IQSEC1: variants seen among roughly 807,000 people sequenced by gnomAD.
The protein encoded by IQSEC1 is IQ motif and Sec7 domain ArfGEF 1.
IQSEC1 carries 31 observed loss-of-function variants against 91.0 expected under a neutral mutation model. The ratio of observed to expected loss-of-function variants is 0.34; its 90% CI spans 0.26 to 0.46. The LOEUF is 0.46. IQSEC1 is among the 20% of genes least tolerant of loss of function. The probability of loss-of-function intolerance (pLI) is 1.00; values close to 1 mark genes in which losing one functional copy is unlikely to be tolerated. For synonymous variants in IQSEC1, 699 were observed against 662.6 expected, an observed-to-expected ratio of 1.05 and a Z score of -0.84; for missense variants, 1,388 against 1,575.6, an observed-to-expected ratio of 0.88 and a Z score of 2.02.
Position 12,936,451 on chromosome 3 carries a change from C to T in IQSEC1, c.565G>A (p.Gly189Ser), listed in dbSNP as rs778461158. Residue 189 changes from glycine to serine, a missense_variant, in exon 3 of 14, where the codon GGC becomes AGC. Physicochemically the swap from Gly to Ser is moderately conservative, Grantham distance 56 (BLOSUM62 0). This residue lies in a region of IQSEC1 where 1,059 missense variants were observed against 1,317.8 expected (regional missense o/e 0.80). Transcript: ENST00000613206. ...EGKQVSVTNDGSQLGALVSPE... is the reference protein window; with the variant it reads ...EGKQVSVTNDSSQLGALVSPE... ...GACACCAGGGCTCCCAGCTGGGAGC[C>T]GTCGTTAGTCACTGAGACCTGCTTC... 6.8e-6 allele frequency: 11 copies of T among 1,606,768 alleles called. No individual in the cohort carries two copies. The highest frequency in any genetic ancestry group is 2.2e-5 in the East Asian group (1 of 44,718).
At chr3:12,923,180 G>A (rs939990387) in intron 4 of IQSEC1, among the ~76,000 whole-genome samples, 3 of 152,212 alleles carry the variant, frequency 2.0e-5, no homozygotes, top group Non-Finnish European at 4.4e-5. Flanking sequence ...GATGCCTGGT[G>A]TGGTGGCCCG....
At chr3:13,035,072 C>A (rs1322104813) in intron 1 of IQSEC1, among the ~76,000 whole-genome samples, 1 of 152,250 alleles carries the variant, frequency 6.6e-6, no homozygotes, top group Non-Finnish European at 1.5e-5. Flanking sequence ...AGGACCTGAA[C>A]TTGGCCAGTG....
intron 1 of IQSEC1, among the ~76,000 whole-genome samples, chr3:13,035,692 T>G (rs1014834547): frequency 2.0e-5 from 3 of 152,140 alleles, no homozygotes; most frequent in African/African-American, 7.2e-5. Flanking sequence ...TCCCAAACGC[T>G]CTGCCAGAAC....
Position 12,913,460 on chromosome 3 carries a change from G to T in IQSEC1, c.2284C>A (p.Arg762=), listed in dbSNP as rs775243385. ...AGGTCGTTGAACAGGAAGATTTCTCGCTGGTGTAGTCCGAGTTTCTGGGGC... is the reference window on the plus strand; with the variant it reads ...AGGTCGTTGAACAGGAAGATTTCTCTCTGGTGTAGTCCGAGTTTCTGGGGC... The part of the protein sequence containing the change: ...NKPQKLGLHQ[R]EIFLFNDLLV... Residue 762 remains arginine (R), a synonymous_variant, in exon 9 of 14, where the codon CGA becomes AGA. Coordinates refer to ENST00000613206, the MANE Select transcript of IQSEC1 (RefSeq NM_001134382.3). 3.1e-6 allele frequency: 5 copies of T among 1,605,356 alleles called. No individual in the cohort carries two copies. Among genetic ancestry groups the T allele is most frequent in the Non-Finnish European group, 4.3e-6 (5 of 1,174,738 alleles).
intron 1 of IQSEC1, among the ~76,000 whole-genome samples, chr3:13,255,713 C>T (rs1327358315): frequency 1.3e-5 from 2 of 151,984 alleles, no homozygotes; most frequent in Non-Finnish European, 2.9e-5. Flanking sequence ...ATTTCCTGGG[C>T]TCAAGCGATC....
chr3:12,972,214 G>C (rs1392527431), intron 1 of IQSEC1, among the ~76,000 whole-genome samples: 1 of 151,968 alleles, frequency 6.6e-6, no homozygotes, highest in Non-Finnish European at 1.5e-5. Flanking sequence ...AGGAGGCTGA[G>C]GTGGGAGGAT....
chr3:13,070,925 A>T (rs1434739934), intron 1 of IQSEC1, among the ~76,000 whole-genome samples: 1 of 152,238 alleles, frequency 6.6e-6, no homozygotes, highest in African/African-American at 2.4e-5. Flanking sequence ...AGATTGAAGC[A>T]GACTCTCCAG....
intron 12 of IQSEC1, among the ~76,000 whole-genome samples, chr3:12,904,701 T>G (rs1392443451): frequency 6.6e-6 from 1 of 152,052 alleles, no homozygotes; most frequent in Non-Finnish European, 1.5e-5. Flanking sequence ...TCAAATCAGC[T>G]CTCTAGCCTA....
At chr3:13,275,204 G>A (rs777971474) in intron 1 of IQSEC1, among the ~76,000 whole-genome samples, 7 of 152,344 alleles carry the variant, frequency 4.6e-5, no homozygotes, top group South Asian at 2.1e-4. Context: ...CACCTAGAAC[G>A]GGCTCGGTTA....
chr3:13,071,907 G>C (rs1705445737), intron 1 of IQSEC1, among the ~76,000 whole-genome samples: 1 of 152,232 alleles, frequency 6.6e-6, no homozygotes, highest in African/African-American at 2.4e-5. Context: ...TTGCCGCCTG[G>C]CACTGCTGAC....
intron 1 of IQSEC1, among the ~76,000 whole-genome samples, chr3:12,966,993 C>A (rs532525498): frequency 2.0e-5 from 3 of 152,246 alleles, no homozygotes; most frequent in African/African-American, 7.2e-5. Flanking sequence ...ACTCTCCGCT[C>A]TCCCTCCTGC....
chr3:12,942,999 CCT>C (rs1339815590), intron 1 of IQSEC1, among the ~76,000 whole-genome samples: 4 of 152,352 alleles, frequency 2.6e-5, no homozygotes, highest in African/African-American at 9.6e-5. Context: ...GTCGAAGGCC[CCT>C]GTGTGTGGTG....
At chr3:13,021,388 G>A (rs1489773102) in intron 1 of IQSEC1, among the ~76,000 whole-genome samples, 1 of 152,220 alleles carries the variant, frequency 6.6e-6, no homozygotes, top group Non-Finnish European at 1.5e-5. Context: ...CAGCTGGGGA[G>A]AAAGCTCAAC....
intron 1 of IQSEC1, among the ~76,000 whole-genome samples, chr3:13,031,816 A>G (rs915758411): frequency 6.6e-6 from 1 of 152,166 alleles, no homozygotes; most frequent in Admixed American, 6.5e-5. Flanking sequence ...GGTGACAGGG[A>G]GGGCCTCTTT....
chr3:13,115,268 C>G (rs924693509), intron 2 of IQSEC1, among the ~76,000 whole-genome samples: 1 of 152,210 alleles, frequency 6.6e-6, no homozygotes, highest in East Asian at 1.9e-4. Context: ...TTCCCTCCCC[C>G]GTTCCTCTAG....
intron 1 of IQSEC1, among the ~76,000 whole-genome samples, chr3:13,054,578 G>A (rs1358378582): frequency 6.6e-6 from 1 of 152,222 alleles, no homozygotes; most frequent in Non-Finnish European, 1.5e-5. Context: ...AGCAAGAAGG[G>A]AGCCTAACAG....
At chr3:13,242,215 C>G (rs1222063463) in intron 1 of IQSEC1, among the ~76,000 whole-genome samples, 1 of 152,148 alleles carries the variant, frequency 6.6e-6, no homozygotes, top group Non-Finnish European at 1.5e-5. Context: ...GTACTGGGCT[C>G]GAGCTGGTCT....
intron 1 of IQSEC1, among the ~76,000 whole-genome samples, chr3:13,170,123 G>A (rs943616138): frequency 2.0e-5 from 3 of 152,238 alleles, no homozygotes; most frequent in African/African-American, 7.2e-5. Context: ...CAAGCTGTGT[G>A]CAGCCTAGGG....
intron 1 of IQSEC1, among the ~76,000 whole-genome samples, chr3:13,062,177 T>C (rs576219412): frequency 2.0e-5 from 3 of 152,220 alleles, no homozygotes; most frequent in Non-Finnish European, 2.9e-5. Context: ...AGGCTCCTGA[T>C]GGATACACCA....
Sources: allele counts gnomAD v4.1 joint callset (sites outside exome capture counted in the v4.1 genomes callset), GRCh38; gene constraint gnomAD v4.1.1; regional missense constraint gnomAD v4.1.1; transcripts MANE v1.5; gene names NCBI Gene and HGNC (gene_info 2026-07-23, HGNC 2026-07-21).